Variants in PDE6D observed in about 807,000 individuals in gnomAD.
PDE6D encodes phosphodiesterase 6D, also known as retinal rod rhodopsin-sensitive cGMP 3',5'-cyclic phosphodiesterase subunit delta.
Under a neutral mutation model 21.9 loss-of-function variants are expected in PDE6D, and 10 were observed. That is an observed-to-expected ratio of 0.46 (90% CI 0.28 to 0.78). The LOEUF is 0.78. Ranked by LOEUF, PDE6D falls within the 30% of genes least tolerant of loss-of-function variation. The pLI is 0.12. For synonymous variants in PDE6D, 59 were observed against 63.5 expected (o/e 0.93, Z 0.34); for missense variants, 139 against 184.8 (o/e 0.75, Z 1.44).
chr2:231,774,980 T>A (rs2106288255), intron 1 of PDE6D, among the ~76,000 whole-genome samples: 1 of 152,078 alleles, frequency 6.6e-6, no homozygotes, highest in African/African-American at 2.4e-5. Flanking sequence ...TGGTGTGATC[T>A]CAGCTCACTG....
At chr2:231,744,665 T>C (rs1215831923) in intron 1 of PDE6D, among the ~76,000 whole-genome samples, 4 of 152,196 alleles carry the variant, frequency 2.6e-5, no homozygotes, top group Non-Finnish European at 5.9e-5. Flanking sequence ...ACTCCCAACC[T>C]GAGGTGATCT....
intron 1 of PDE6D, among the ~76,000 whole-genome samples, chr2:231,766,657 T>C (rs1274985092): frequency 6.6e-6 from 1 of 152,078 alleles, no homozygotes; most frequent in Non-Finnish European, 1.5e-5. Context: ...AATGCTATAG[T>C]ATTGGGAAGA....
At chr2:231,758,657 G>T (rs903552792) in intron 1 of PDE6D, among the ~76,000 whole-genome samples, 12 of 152,182 alleles carry the variant, frequency 7.9e-5, no homozygotes, top group African/African-American at 2.7e-4. Context: ...ACTGAAGCCA[G>T]GGTGGGGAAC....
intron 4 of PDE6D, among the ~76,000 whole-genome samples, chr2:231,735,527 T>C (rs553349016): frequency 2.6e-4 from 40 of 151,280 alleles, no homozygotes; most frequent in African/African-American, 9.7e-4. Context: ...CTCGATTTCC[T>C]GACCTCGTGA....
Position 231,739,351 on chromosome 2 carries a change from AG to A in PDE6D, c.51-164del. On this transcript the variant is annotated intron_variant, in intron 1 of 4. Coordinates refer to ENST00000287600, the MANE Select transcript of PDE6D (RefSeq NM_002601.4). This position sits in a 1 kb window ranked among gnomAD's most constrained non-coding sequence, Gnocchi z 4.2. ...CATAAGAATGTGAGGAGAGTCAAAA[AG>A]ACATCTAAAGGAAGAAGCAGAAACC... is the stretch of plus-strand genomic sequence containing the variant. 1 of 740,844 alleles carries A rather than the reference AG, an allele frequency of 1.3e-6. No homozygotes were observed. The highest frequency in any genetic ancestry group is 2.5e-6 in the Non-Finnish European group (1 of 402,124). 45.9% of individuals were successfully genotyped at this position (740,844 alleles called of 1,614,324 possible). A position where few individuals can be genotyped will look rare whatever the true frequency, so the allele number is the denominator to read the frequency against.
chr2:231,758,103 C>A (rs1055800190), intron 1 of PDE6D, among the ~76,000 whole-genome samples: 1 of 152,090 alleles, frequency 6.6e-6, no homozygotes, highest in East Asian at 1.9e-4. Context: ...TTTTTTTAGT[C>A]ATTAGCTTTG....
chr2:231,739,243 A>G lies in PDE6D; in HGVS notation c.51-55T>C. 9.4e-7 allele frequency: 1 copy of G among 1,066,894 alleles called. No homozygotes were observed. The highest frequency in any genetic ancestry group is 1.5e-6 in the Non-Finnish European group (1 of 681,032). 66.1% of individuals were successfully genotyped at this position (1,066,894 alleles called of 1,614,324 possible). A position where few individuals can be genotyped will look rare whatever the true frequency, so the allele number is the denominator to read the frequency against. On this transcript the variant is annotated intron_variant, in intron 1 of 4. Transcript: ENST00000287600. This position sits in a 1 kb window ranked among gnomAD's most constrained non-coding sequence, Gnocchi z 4.2. ...GCACTGAAAGTGACTCCCACTTTGT[A>G]TTCTAGGTGTCTCATGTTTACTCCC...
At chr2:231,734,240 A>T (rs2048677428) in intron 4 of PDE6D, among the ~76,000 whole-genome samples, 1 of 152,032 alleles carries the variant, frequency 6.6e-6, no homozygotes, top group South Asian at 2.1e-4. Flanking sequence ...AATAAAAAAT[A>T]AAAAGTTAAG....
intron 1 of PDE6D, chr2:231,768,495 C>G (rs2048990222): frequency 6.6e-6 from 1 of 152,240 alleles, no homozygotes; most frequent in African/African-American, 2.4e-5. Flanking sequence ...TCAGGCGATT[C>G]TCCTGCCTCA....
At position 231,732,563 on chromosome 2, in the gene PDE6D, G is replaced by C. The variant is rs2048660192; in HGVS notation, c.*389C>G. The C allele has an allele frequency of 6.2e-6, 1 of 161,694 alleles. No homozygotes were observed. 10.0% of individuals were successfully genotyped at this position (161,694 alleles called of 1,614,324 possible). On this transcript the variant is annotated 3_prime_UTR_variant, in exon 5 of 5. Transcript: ENST00000287600. ...GTAGGAAAAAACTAAACATGGGTCA[G>C]GAACACGGAATTTTTCCAAAACCAG...
At chr2:231,771,204 A>G (rs934473086) in intron 1 of PDE6D, among the ~76,000 whole-genome samples, 1 of 151,950 alleles carries the variant, frequency 6.6e-6, no homozygotes, top group African/African-American at 2.4e-5. Flanking sequence ...CCTGACCTCA[A>G]GTGATCTGCC....
At chr2:231,763,203 CT>C (rs1180339223) in intron 1 of PDE6D, among the ~76,000 whole-genome samples, 1 of 152,152 alleles carries the variant, frequency 6.6e-6, no homozygotes. Context: ...TAGTATTTAT[CT>C]GTCTTGCTAG....
intron 1 of PDE6D, among the ~76,000 whole-genome samples, chr2:231,750,660 AT>A (rs561604556): frequency 0.064 from 5,900 of 91,790 alleles, 515 homozygotes; most frequent in African/African-American, 0.28. Flanking sequence ...TGCTCATCTA[AT>A]TTTTTTTTTT....
At chr2:231,750,660 ATTTTTTT>A (rs561604556) in intron 1 of PDE6D, among the ~76,000 whole-genome samples, 20,589 of 91,694 alleles carry the variant, frequency 0.22, 1,992 homozygotes, top group Non-Finnish European at 0.26. Flanking sequence ...TGCTCATCTA[ATTTTTTT>A]TTTTTTTTTT....
At chr2:231,747,936 G>A (rs1402229807) in intron 1 of PDE6D, among the ~76,000 whole-genome samples, 1 of 152,198 alleles carries the variant, frequency 6.6e-6, no homozygotes, top group Non-Finnish European at 1.5e-5. Context: ...TGTAAGAAGA[G>A]GCTTTCACCT....
At position 231,781,056 on chromosome 2, in the gene PDE6D, G is replaced by C. The variant is rs1574641691; in HGVS notation, c.50+9C>G. The stretch of plus-strand genomic sequence containing the variant: ...TCCTCCCGGCCCCGCCCCGCTCCCG[G>C]ACGGATACAGTTTGAAGCCCCTCAG... On this transcript the variant is annotated intron_variant, in intron 1 of 4. Coordinates refer to ENST00000287600, the MANE Select transcript of PDE6D (RefSeq NM_002601.4). The C allele has an allele frequency of 6.2e-7, 1 of 1,612,106 alleles. No homozygotes were observed.
chr2:231,760,633 T>A (rs2048918307), intron 1 of PDE6D, among the ~76,000 whole-genome samples: 1 of 152,172 alleles, frequency 6.6e-6, no homozygotes, highest in Non-Finnish European at 1.5e-5. Flanking sequence ...GGATATAAGA[T>A]GAATAACTCA....
intron 1 of PDE6D, 81 bp downstream of exon 1, chr2:231,780,984 G>C: frequency 2.4e-6 from 3 of 1,260,762 alleles, no homozygotes; most frequent in Non-Finnish European, 3.4e-6. Context: ...CACCTGGCGC[G>C]GCCCCCGCCC....
At chr2:231,735,630 CA>C (rs1002590094) in intron 4 of PDE6D, among the ~76,000 whole-genome samples, 3 of 151,782 alleles carry the variant, frequency 2.0e-5, no homozygotes, top group African/African-American at 4.8e-5. Context: ...AAGCTAGTCT[CA>C]AACTCTTGGA....
Sources: gnomAD v4.1 joint callset for allele counts (sites outside exome capture counted in the v4.1 genomes callset) on GRCh38, gnomAD v4.1.1 for gene constraint, Gnocchi (gnomAD v3.1) non-coding constraint, MANE v1.5 for transcripts, NCBI Gene and HGNC (gene_info 2026-07-23, HGNC 2026-07-21) for gene names.